The following BACH1 variants were observed in gnomAD, a reference collection of about 807,000 sequenced individuals.
BACH1 encodes the protein BTB domain and CNC homolog 1.
In BACH1, 35 loss-of-function variants were observed where a neutral mutation model predicts 52.9. The observed-to-expected ratio is 0.66, with a 90% CI of 0.51 to 0.88. The LOEUF (loss-of-function observed/expected upper bound fraction) is 0.88, where lower values mean the gene tolerates loss of function less well. BACH1 is among the 40% of genes least tolerant of loss of function. The pLI, the probability that BACH1 is intolerant of heterozygous loss-of-function variation, is 0.00. For missense variants in BACH1, 808 were observed against 872.6 expected (o/e 0.93, Z 0.93); for synonymous variants, 321 against 319.6 (o/e 1.00, Z -0.05).
At chr21:29,328,925 A>G (rs763595738) in intron 3 of BACH1, among the ~76,000 whole-genome samples, 1 of 152,198 alleles carries the variant, frequency 6.6e-6, no homozygotes, top group Non-Finnish European at 1.5e-5. Context: ...GTGTATATAC[A>G]CCACGTTTTC....
chr21:29,329,476 T>G lies in BACH1; in HGVS notation c.1570-11T>G. The G allele has an allele frequency of 6.6e-7, 1 of 1,508,044 alleles. No individual in the cohort carries two copies. Among genetic ancestry groups the G allele is most frequent in the South Asian group, 1.3e-5 (1 of 74,706 alleles). 93.4% of individuals were successfully genotyped at this position (1,508,044 alleles called of 1,614,324 possible). A position where few individuals can be genotyped will look rare whatever the true frequency, so the allele number is the denominator to read the frequency against. ...ACAGCAATAATTAGTAATATTTATTTCATATTCTAGGTAAAACTGCCATTC... is the reference window on the plus strand; with the variant it reads ...ACAGCAATAATTAGTAATATTTATTGCATATTCTAGGTAAAACTGCCATTC... On this transcript the variant is annotated splice_polypyrimidine_tract_variant and intron_variant, in intron 3 of 4. Transcript: ENST00000286800.
At chr21:29,340,611 T>C (rs1245153542) in intron 4 of BACH1, among the ~76,000 whole-genome samples, 1 of 152,356 alleles carries the variant, frequency 6.6e-6, no homozygotes, top group East Asian at 1.9e-4. Context: ...CAACCAGCAG[T>C]TGAAAATTTT....
chr21:29,357,818 C>T (rs2089243976), intron 2 of BACH1, among the ~76,000 whole-genome samples: 1 of 152,188 alleles, frequency 6.6e-6, no homozygotes, highest in African/African-American at 2.4e-5. Flanking sequence ...GAGTTTGTTC[C>T]TTCCAATGCC....
At chr21:29,360,609 C>A (rs1265533872) in intron 2 of BACH1, among the ~76,000 whole-genome samples, 4 of 152,124 alleles carry the variant, frequency 2.6e-5, no homozygotes, top group Admixed American at 2.0e-4. Context: ...CTTTGGGAGG[C>A]CGAGGTGGGT....
intron 2 of BACH1, among the ~76,000 whole-genome samples, chr21:29,355,897 A>G (rs1449736448): frequency 6.6e-6 from 1 of 152,174 alleles, no homozygotes. Context: ...ATCTCTTACT[A>G]TCCCTGACTG....
At chr21:29,318,909 A>G (rs1046041794) in intron 1 of BACH1, among the ~76,000 whole-genome samples, 1 of 151,986 alleles carries the variant, frequency 6.6e-6, no homozygotes, top group Non-Finnish European at 1.5e-5. Flanking sequence ...CCAGCTCCCC[A>G]CATTGCTGCA....
intron 2 of BACH1, among the ~76,000 whole-genome samples, chr21:29,357,200 C>T (rs551813154): frequency 1.3e-4 from 20 of 152,322 alleles, no homozygotes; most frequent in Admixed American, 9.8e-4. Flanking sequence ...GTTCTGCTAA[C>T]GGGGCGCTGG....
chr21:29,322,270 C>T (rs1463822668), intron 2 of BACH1, among the ~76,000 whole-genome samples: 6 of 152,162 alleles, frequency 3.9e-5, no homozygotes, highest in African/African-American at 9.7e-5. Flanking sequence ...GTAAAACGTC[C>T]GTTTTCCCAA....
At position 29,351,571 on chromosome 21, in the gene BACH1, CT is replaced by C. The variant is rs1460742089; in HGVS notation, c.472+21879del. On this transcript the variant is annotated intron_variant, in intron 2 of 4. Coordinates refer to the BACH1 transcript ENST00000422809. ...TTTTCATCTCATTTGAGCGTTTACT[CT>C]GGGCTTTAGAAGACCTCATCTATTA... is the stretch of plus-strand genomic sequence containing the variant. The C allele has an allele frequency of 7.7e-5, 41 of 531,632 alleles. No homozygotes were observed. In the East Asian group the frequency reaches 2.0e-3, roughly 26 times the overall value. 32.9% of individuals were successfully genotyped at this position (531,632 alleles called of 1,614,324 possible).
At position 29,326,292 on chromosome 21, in the gene BACH1, A is replaced by C. The variant is rs753880489; in HGVS notation, c.468A>C (p.Lys156Asn). The change falls in exon 3 of 5, where the codon AAA becomes AAC. Residue 156 changes from lysine (K) to asparagine (N), a missense_variant. Transcript: ENST00000286800. ...CACACTGTCAGAAAACAGACCTTAA[A>C]CTTTCACTTTTGGACCAGAGGGATC... ...FSSHCQKTDL[K>N]LSLLDQRDLE... The C allele has an allele frequency of 2.0e-5, 32 of 1,614,054 alleles. No individual in the cohort carries two copies. In the South Asian group the frequency reaches 3.5e-4, roughly 18 times the overall value.
At chr21:29,337,538 GTGTAT>G (rs1448170731) in intron 4 of BACH1, among the ~76,000 whole-genome samples, 1 of 152,162 alleles carries the variant, frequency 6.6e-6, no homozygotes, top group Non-Finnish European at 1.5e-5. Context: ...AATTACATTA[GTGTAT>G]TGTTTCCTTT....
At chr21:29,324,933 T>C (rs2088892588) in intron 2 of BACH1, among the ~76,000 whole-genome samples, 1 of 152,164 alleles carries the variant, frequency 6.6e-6, no homozygotes, top group Admixed American at 6.5e-5. Context: ...TGTTTATGTT[T>C]TTAAGAAGAT....
chr21:29,319,210 G>A (rs893239864), intron 1 of BACH1, among the ~76,000 whole-genome samples: 6 of 152,272 alleles, frequency 3.9e-5, no homozygotes, highest in African/African-American at 1.4e-4. Flanking sequence ...AACATCTTTA[G>A]GATAGTCTCT....
At chr21:29,337,740 C>T (rs73195606) in intron 4 of BACH1, among the ~76,000 whole-genome samples, 7,645 of 152,032 alleles carry the variant, frequency 0.05, 218 homozygotes, top group Non-Finnish European at 0.071. Flanking sequence ...GGAGATATAC[C>T]TAATGTGCCG....
In BACH1 at chr21:29,321,490, G is replaced by A. The variant is rs774607345; in HGVS notation, c.210G>A (p.Glu70=). 7 of 1,614,106 alleles carry A rather than the reference G, an allele frequency of 4.3e-6. No homozygotes were observed. In the Admixed American group the frequency reaches 1.0e-4, roughly 23 times the overall value. Reference sequence around the variant, plus strand: ...GAATCGTAGGCCAGGCTGATGGAGAGCTGAACATTACTCTTCCAGAAGAGG... The same window carrying A: ...GAATCGTAGGCCAGGCTGATGGAGAACTGAACATTACTCTTCCAGAAGAGG... ...HSRIVGQADG[E]LNITLPEEVT... is the part of the protein sequence containing the mutation. The change falls in exon 2 of 5, where the codon GAG becomes GAA. Residue 70 remains glutamate (E), a synonymous_variant. Transcript: ENST00000286800.
chr21:29,356,339 A>G (rs1399040251), intron 2 of BACH1, among the ~76,000 whole-genome samples: 1 of 152,228 alleles, frequency 6.6e-6, no homozygotes, highest in Non-Finnish European at 1.5e-5. Context: ...CTTTGCTATT[A>G]ATAAAACCTC....
At chr21:29,348,534 C>T (rs1388251913), downstream of BACH1, among the ~76,000 whole-genome samples, 1 of 152,128 alleles carries the variant, frequency 6.6e-6, no homozygotes, top group East Asian at 1.9e-4. Flanking sequence ...AACTCGTGAT[C>T]CTAATTTCTA....
At chr21:29,315,650 CAG>C (rs2088777980) in intron 1 of BACH1, among the ~76,000 whole-genome samples, 1 of 152,152 alleles carries the variant, frequency 6.6e-6, no homozygotes, top group African/African-American at 2.4e-5. Flanking sequence ...CCTTGACTAA[CAG>C]AACTATTTGT....
At chr21:29,349,847 T>C (rs2089192000), downstream of BACH1, among the ~76,000 whole-genome samples, 1 of 68,642 alleles carries the variant, frequency 1.5e-5, no homozygotes, top group East Asian at 8.1e-4. Context: ...ATCTTGTGAG[T>C]GTCTCATTAA....
Sources: allele counts gnomAD v4.1 joint callset (sites outside exome capture counted in the v4.1 genomes callset), GRCh38; gene constraint gnomAD v4.1.1; transcripts MANE v1.5; gene names NCBI Gene and HGNC (gene_info 2026-07-23, HGNC 2026-07-21).